The following KDM4C variants were observed in gnomAD, a reference collection of about 807,000 sequenced individuals.
KDM4C encodes the protein lysine-specific demethylase 4C.
In KDM4C, 81 loss-of-function variants were observed where a neutral mutation model predicts 129.3. That is an observed-to-expected ratio of 0.63 (90% confidence interval 0.52 to 0.75). The LOEUF (loss-of-function observed/expected upper bound fraction) is 0.75. Among genes scored for constraint, KDM4C ranks in the 30% least tolerant of loss-of-function variants. The pLI, the probability that KDM4C is intolerant of heterozygous loss-of-function variation, is 0.00. For synonymous variants in KDM4C, 573 were observed against 456.1 expected, an observed-to-expected ratio of 1.26 and a Z score of -3.26; for missense variants, 1,457 against 1,304.0, an observed-to-expected ratio of 1.12 and a Z score of -1.81.
At chr9:6,810,836 C>G (rs1255330060) in intron 3 of KDM4C, among the ~76,000 whole-genome samples, 1 of 151,822 alleles carries the variant, frequency 6.6e-6, no homozygotes, top group Non-Finnish European at 1.5e-5. Flanking sequence ...GCACCATTGC[C>G]CCCGAGCCTG....
chr9:6,842,334 T>TTTTTTTTTTTTTTTTTTTTTG, intron 4 of KDM4C, among the ~76,000 whole-genome samples: 1 of 124,096 alleles, frequency 8.1e-6, no homozygotes, highest in Non-Finnish European at 1.6e-5. Context: ...TTTTTTTTTT[T>TTTTTTTTTTTTTTTTTTTTTG]GAGACGGAGT....
intron 1 of KDM4C, among the ~76,000 whole-genome samples, chr9:6,728,604 TG>T (rs1312017440): frequency 6.6e-6 from 1 of 152,050 alleles, no homozygotes; most frequent in Non-Finnish European, 1.5e-5. Context: ...ACCAGCACTT[TG>T]GGAGGCAGAG....
chr9:6,922,982 A>G (rs960801070), intron 8 of KDM4C, among the ~76,000 whole-genome samples: 6 of 152,232 alleles, frequency 3.9e-5, no homozygotes, highest in African/African-American at 1.4e-4. Context: ...GCAGTGTCAC[A>G]GGGTGATGTC....
chr9:6,753,868 CTTTTTTTT>C (rs869158656), upstream of KDM4C, among the ~76,000 whole-genome samples: 93 of 80,382 alleles, frequency 1.2e-3, no homozygotes, highest in Admixed American at 3.1e-3. Flanking sequence ...TCATTGAATT[CTTTTTTTT>C]TTTTTTTTTT....
chr9:7,112,876 C>CT (rs1838486508), intron 18 of KDM4C, among the ~76,000 whole-genome samples: 2 of 152,090 alleles, frequency 1.3e-5, no homozygotes, highest in South Asian at 4.1e-4. Context: ...TCCTGGGTGT[C>CT]TTTATGTTTT....
intron 8 of KDM4C, among the ~76,000 whole-genome samples, chr9:6,976,936 T>C (rs1589419606): frequency 6.6e-6 from 1 of 152,230 alleles, no homozygotes; most frequent in Non-Finnish European, 1.5e-5. Flanking sequence ...AGATATGATA[T>C]CTACTCAGGC....
At chr9:6,906,461 C>T (rs1437375672) in intron 8 of KDM4C, among the ~76,000 whole-genome samples, 1 of 152,136 alleles carries the variant, frequency 6.6e-6, no homozygotes, top group African/African-American at 2.4e-5. Flanking sequence ...TCTTCTGCCT[C>T]AATGGTTTTG....
intron 3 of KDM4C, 147 bp downstream of exon 3, chr9:6,805,921 G>T: frequency 1.6e-6 from 1 of 636,400 alleles, no homozygotes; most frequent in Non-Finnish European, 2.5e-6. Flanking sequence ...TCTGTTTTCT[G>T]TTCTTTAGGT....
chr9:6,960,421 A>C (rs914776746), intron 8 of KDM4C, among the ~76,000 whole-genome samples: 42 of 151,710 alleles, frequency 2.8e-4, no homozygotes, highest in Non-Finnish European at 2.9e-5. Flanking sequence ...CTGGAACTAT[A>C]AGCTTGCATC....
intron 3 of KDM4C, 98 bp downstream of exon 3, chr9:6,805,872 G>C: frequency 1.8e-6 from 2 of 1,114,130 alleles, no homozygotes; most frequent in Non-Finnish European, 2.5e-6. Flanking sequence ...TGAAAAGCAG[G>C]AGTCTCCCAT....
intron 12 of KDM4C, among the ~76,000 whole-genome samples, chr9:6,992,604 A>C (rs1818954258): frequency 6.6e-6 from 1 of 152,190 alleles, no homozygotes; most frequent in Admixed American, 6.5e-5. Context: ...TGGGAACTTG[A>C]ATGTTACCTT....
intron 2 of KDM4C, among the ~76,000 whole-genome samples, chr9:6,803,495 G>A (rs969252722): frequency 1.3e-5 from 2 of 151,688 alleles, no homozygotes; most frequent in Non-Finnish European, 2.9e-5. Flanking sequence ...GCTTGACCCC[G>A]GGAGGTGGAG....
At chr9:7,111,692 A>G (rs1316225688) in intron 18 of KDM4C, among the ~76,000 whole-genome samples, 1 of 152,200 alleles carries the variant, frequency 6.6e-6, no homozygotes, top group Admixed American at 6.5e-5. Flanking sequence ...GCTCTAAGAC[A>G]TGTCAGGTTT....
intron 4 of KDM4C, among the ~76,000 whole-genome samples, chr9:6,823,507 C>G (rs1286610804): frequency 6.6e-6 from 1 of 152,168 alleles, no homozygotes; most frequent in East Asian, 1.9e-4. Context: ...GGTGCCCTAC[C>G]TGTCACCTTC....
At chr9:6,753,843 C>T (rs1008723215), upstream of KDM4C, among the ~76,000 whole-genome samples, 3 of 149,018 alleles carry the variant, frequency 2.0e-5, no homozygotes, top group Admixed American at 6.7e-5. Context: ...TAAATAAAAA[C>T]ACTAAGTATT....
intron 8 of KDM4C, among the ~76,000 whole-genome samples, chr9:6,929,711 A>G (rs1823317506): frequency 6.6e-6 from 1 of 152,010 alleles, no homozygotes; most frequent in Non-Finnish European, 1.5e-5. Flanking sequence ...TCAGGATTGC[A>G]ATCCGGGTGT....
intron 5 of KDM4C, among the ~76,000 whole-genome samples, chr9:6,873,414 A>T (rs1309424223): frequency 6.6e-6 from 1 of 152,170 alleles, no homozygotes; most frequent in Admixed American, 6.5e-5. Flanking sequence ...CTGTTGTTTA[A>T]TGTAGCCACC....
intron 1 of KDM4C, among the ~76,000 whole-genome samples, chr9:6,773,779 A>T (rs996470509): frequency 6.7e-6 from 1 of 149,250 alleles, no homozygotes; most frequent in African/African-American, 2.5e-5. Flanking sequence ...TCAAAAAAAA[A>T]AAAAAAAGTA....
At chr9:6,983,131 A>G (rs567194187) in intron 9 of KDM4C, among the ~76,000 whole-genome samples, 1 of 152,216 alleles carries the variant, frequency 6.6e-6, no homozygotes, top group Non-Finnish European at 1.5e-5. Context: ...ATACTACTGC[A>G]GTTACTGCCA....
Sources: allele counts gnomAD v4.1 joint callset (sites outside exome capture counted in the v4.1 genomes callset), GRCh38; gene constraint gnomAD v4.1.1; transcripts MANE v1.5; gene names NCBI Gene and HGNC (gene_info 2026-07-23, HGNC 2026-07-21).